The following HMCN1 variants were observed in gnomAD, a reference collection of about 807,000 sequenced individuals.
The protein encoded by HMCN1 is hemicentin-1.
HMCN1 carries 321 observed loss-of-function variants against 625.9 expected under a neutral mutation model. That is an observed-to-expected ratio of 0.51 (90% confidence interval 0.47 to 0.56). The LOEUF (loss-of-function observed/expected upper bound fraction) is 0.56. HMCN1 is among the 20% of genes least tolerant of loss of function. HMCN1 has a pLI of 0.00. For missense variants in HMCN1, 6,588 were observed against 6,887.3 expected (o/e 0.96, Z 1.54); for synonymous variants, 2,425 against 2,417.6 (o/e 1.00, Z -0.09).
chr1:186,053,878 A>T lies in HMCN1; in HGVS notation c.6754A>T (p.Arg2252Trp). The T allele has an allele frequency of 3.1e-6, 5 of 1,612,712 alleles. No homozygotes were observed. The highest frequency in any genetic ancestry group is 4.2e-6 in the Non-Finnish European group (5 of 1,179,178). Reference protein sequence around the residue: ...MGRVRILSGGRQLQISIAEKS... With the variant: ...MGRVRILSGGWQLQISIAEKS... ...GCGAGTTAGAATTTTATCTGGGGGC[A>T]GGCAATTACAAATTTCAATTGCTGA... Residue 2252 changes from arginine (R) to tryptophan (W), a missense_variant, in exon 44 of 107, where the codon AGG becomes TGG. Arg to Trp is a moderately radical substitution (Grantham distance 101). Transcript: ENST00000271588.
intron 46 of HMCN1, among the ~76,000 whole-genome samples, chr1:186,058,872 T>C (rs998466791): frequency 2.0e-5 from 3 of 152,094 alleles, no homozygotes; most frequent in Admixed American, 6.6e-5. Context: ...CCGATCTTGG[T>C]TTATAACTGA....
chr1:185,993,383 G>A, intron 23 of HMCN1, 74 bp downstream of exon 23: 1 of 1,560,590 alleles, frequency 6.4e-7, no homozygotes, highest in Non-Finnish European at 8.8e-7. Flanking sequence ...TAGTTTATTT[G>A]ATAGTTAATT....
At chr1:186,073,969 G>A (rs1658631985) in intron 52 of HMCN1, among the ~76,000 whole-genome samples, 1 of 151,946 alleles carries the variant, frequency 6.6e-6, no homozygotes, top group Non-Finnish European at 1.5e-5. Context: ...AAAAGAAGGA[G>A]ATCAAGGAGC....
chr1:185,879,425 G>T (rs540636674), intron 4 of HMCN1, among the ~76,000 whole-genome samples: 4 of 152,176 alleles, frequency 2.6e-5, no homozygotes, highest in African/African-American at 9.6e-5. Context: ...TTCCACCTTG[G>T]CCTCCCATAT....
chr1:186,088,875 A>G (rs1353236820), intron 63 of HMCN1, 120 bp downstream of exon 63: 7 of 963,452 alleles, frequency 7.3e-6, no homozygotes, highest in Non-Finnish European at 9.3e-6. Flanking sequence ...GATCATCAAA[A>G]ACTATCATCA....
intron 2 of HMCN1, among the ~76,000 whole-genome samples, chr1:185,859,344 C>A (rs1416173917): frequency 2.0e-5 from 3 of 151,994 alleles, no homozygotes; most frequent in Non-Finnish European, 4.4e-5. Flanking sequence ...CTACATAAGT[C>A]AATCAAATGT....
intron 1 of HMCN1, among the ~76,000 whole-genome samples, chr1:185,837,030 GTA>G (rs977919993): frequency 7.5e-5 from 11 of 147,460 alleles, no homozygotes; most frequent in Non-Finnish European, 1.0e-4. Context: ...GTGTGTGTGT[GTA>G]TATATAAAAT....
At chr1:185,827,903 G>T (rs1180144332) in intron 1 of HMCN1, among the ~76,000 whole-genome samples, 1 of 152,094 alleles carries the variant, frequency 6.6e-6, no homozygotes, top group Non-Finnish European at 1.5e-5. Flanking sequence ...ATGTGATCTT[G>T]AACTACTTTA....
At chr1:185,781,262 G>A (rs541019167) in intron 1 of HMCN1, among the ~76,000 whole-genome samples, 112 of 151,926 alleles carry the variant, frequency 7.4e-4, no homozygotes, top group Non-Finnish European at 1.1e-3. Context: ...AGTCTTGCTA[G>A]CAGTCTATCA....
intron 32 of HMCN1, 129 bp from the exon 33 acceptor site, chr1:186,016,834 T>G (rs1333068699): frequency 2.0e-5 from 14 of 709,704 alleles, no homozygotes; most frequent in Non-Finnish European, 3.1e-5. Flanking sequence ...GCATTTCAAG[T>G]CCCCTTCATG....
intron 81 of HMCN1, among the ~76,000 whole-genome samples, chr1:186,124,198 C>T (rs1448218280): frequency 6.6e-6 from 1 of 152,034 alleles, no homozygotes; most frequent in Non-Finnish European, 1.5e-5. Flanking sequence ...ATAATTTCTA[C>T]CCACCATGCA....
chr1:185,856,466 C>T (rs1296427111), intron 2 of HMCN1, among the ~76,000 whole-genome samples: 4 of 145,586 alleles, frequency 2.7e-5, no homozygotes, highest in Admixed American at 1.4e-4. Context: ...CCAGCCTGGG[C>T]GACAGAGCTA....
chr1:185,913,432 T>C (rs1213487763), intron 6 of HMCN1, among the ~76,000 whole-genome samples: 1 of 152,206 alleles, frequency 6.6e-6, no homozygotes, highest in Non-Finnish European at 1.5e-5. Flanking sequence ...TGACTTTTTG[T>C]GACCACAGTA....
chr1:185,950,774 A>G (rs368138118), intron 11 of HMCN1, among the ~76,000 whole-genome samples: 3,755 of 151,836 alleles, frequency 0.025, 87 homozygotes, highest in African/African-American at 0.081. Context: ...TAAAGAAAGC[A>G]TGTTTGAGAT....
chr1:186,020,727 T>C (rs1320462125), intron 35 of HMCN1, among the ~76,000 whole-genome samples: 1 of 151,962 alleles, frequency 6.6e-6, no homozygotes, highest in African/African-American at 2.4e-5. Flanking sequence ...AGAAGTTAAA[T>C]GGGTGAATTA....
chr1:185,994,495 A>G (rs1652649945), intron 23 of HMCN1, among the ~76,000 whole-genome samples: 1 of 152,176 alleles, frequency 6.6e-6, no homozygotes. Context: ...TTATTTACAA[A>G]TTAAAAGAAG....
intron 5 of HMCN1, among the ~76,000 whole-genome samples, chr1:185,911,250 AT>A (rs1558059136): frequency 6.6e-6 from 1 of 152,100 alleles, no homozygotes; most frequent in African/African-American, 2.4e-5. Context: ...TCTGCATAAC[AT>A]TTTTGGTAGC....
At chr1:185,905,403 G>A (rs903662501) in intron 4 of HMCN1, among the ~76,000 whole-genome samples, 8 of 151,538 alleles carry the variant, frequency 5.3e-5, no homozygotes, top group Non-Finnish European at 5.9e-5. Context: ...AAGGAAAGTC[G>A]GATAAAAAAT....
At chr1:185,928,487 T>A in intron 9 of HMCN1, 59 bp from the exon 10 acceptor site, 15 of 1,402,856 alleles carry the variant, frequency 1.1e-5, no homozygotes, top group Non-Finnish European at 1.5e-5. Context: ...AGTTAATCAT[T>A]GCTTTCAACT....
Sources: allele counts gnomAD v4.1 joint callset (sites outside exome capture counted in the v4.1 genomes callset), GRCh38; gene constraint gnomAD v4.1.1; transcripts MANE v1.5; gene names NCBI Gene and HGNC (gene_info 2026-07-23, HGNC 2026-07-21).